The following GALNT14 variants were observed in gnomAD, a reference collection of about 807,000 sequenced individuals.
GALNT14 encodes the protein polypeptide N-acetylgalactosaminyltransferase 14.
GALNT14 carries 60 observed loss-of-function variants against 77.5 expected under a neutral mutation model. That is an observed-to-expected ratio of 0.77 (90% CI 0.63 to 0.96). The LOEUF (loss-of-function observed/expected upper bound fraction) is 0.96. Among genes scored for constraint, GALNT14 ranks in the 40% least tolerant of loss-of-function variants. GALNT14 has a pLI of 0.00. For missense variants in GALNT14, 710 were observed against 731.0 expected (o/e 0.97, Z 0.33); for synonymous variants, 280 against 281.7 (o/e 0.99, Z 0.06).
At chr2:31,074,949 T>C (rs1421625388) in intron 1 of GALNT14, among the ~76,000 whole-genome samples, 2 of 152,110 alleles carry the variant, frequency 1.3e-5, no homozygotes, top group Non-Finnish European at 2.9e-5. Context: ...GATCTTAATA[T>C]GGTTGGGATA....
chr2:30,971,712 C>T (rs1241656945), intron 2 of GALNT14, among the ~76,000 whole-genome samples: 1 of 152,120 alleles, frequency 6.6e-6, no homozygotes, highest in South Asian at 2.1e-4. Context: ...AGTGGCCCCT[C>T]TTTCCTCTGC....
Position 30,913,737 on chromosome 2 carries a change from T to A in GALNT14, c.1381-1395A>T, listed in dbSNP as rs139745682. Among the ~76,000 whole-genome samples the A allele has an allele frequency of 1.7e-3, 254 of 152,238 alleles. 2 individuals carry two copies. The highest frequency in any genetic ancestry group is 5.9e-3 in the African/African-American group (247 of 41,540). ...GATTCTTTTATCCCTTTTCAAACTG[T>A]TGGTGTTGGGAGAAGACCTAGATCA... is the stretch of plus-strand genomic sequence containing the variant. On this transcript the variant is annotated intron_variant, in intron 13 of 14. Coordinates refer to ENST00000349752, the MANE Select transcript of GALNT14 (RefSeq NM_024572.4).
intron 2 of GALNT14, among the ~76,000 whole-genome samples, chr2:30,989,623 T>TAG (rs1263888002): frequency 0.021 from 2,622 of 125,974 alleles, 59 homozygotes; most frequent in South Asian, 0.028. Flanking sequence ...TATATATTAG[T>TAG]ATATATAAAA....
chr2:31,021,518 C>G (rs1671718094), intron 1 of GALNT14, among the ~76,000 whole-genome samples: 1 of 152,000 alleles, frequency 6.6e-6, no homozygotes. Flanking sequence ...GTTGGTCAGG[C>G]TGGTCTTGAA....
intron 1 of GALNT14, among the ~76,000 whole-genome samples, chr2:31,028,784 T>C (rs1672230742): frequency 6.6e-6 from 1 of 151,974 alleles, no homozygotes; most frequent in Non-Finnish European, 1.5e-5. Flanking sequence ...GATGTAAAAA[T>C]GACAAATTCT....
intron 1 of GALNT14, among the ~76,000 whole-genome samples, chr2:31,128,788 A>G (rs1488045732): frequency 3.3e-5 from 5 of 151,556 alleles, no homozygotes; most frequent in Non-Finnish European, 2.9e-5. Context: ...AGCTCTTTCC[A>G]CTCCAGAAAG....
the GALNT14 span, among the ~76,000 whole-genome samples, chr2:30,905,109 GA>G: frequency 1.3e-5 from 2 of 152,224 alleles, no homozygotes; most frequent in African/African-American, 4.8e-5. Flanking sequence ...CAAAGATGGG[GA>G]AAAAACAGAA....
the GALNT14 span, among the ~76,000 whole-genome samples, chr2:30,895,053 T>C: frequency 2.4e-4 from 36 of 152,242 alleles, no homozygotes; most frequent in Non-Finnish European, 1.9e-4. Flanking sequence ...GAATGCACTA[T>C]AGCCTCTTTG....
At chr2:30,970,521 C>A (rs533871040) in intron 2 of GALNT14, among the ~76,000 whole-genome samples, 8 of 152,124 alleles carry the variant, frequency 5.3e-5, no homozygotes, top group African/African-American at 9.7e-5. Context: ...CCGGCCCGCA[C>A]GCCAGGTTCA....
At chr2:31,072,151 T>G (rs1305172409) in intron 1 of GALNT14, among the ~76,000 whole-genome samples, 1 of 152,100 alleles carries the variant, frequency 6.6e-6, no homozygotes, top group East Asian at 1.9e-4. Context: ...CCATCTTCCC[T>G]CTGCTGTGGG....
intron 11 of GALNT14, among the ~76,000 whole-genome samples, chr2:30,929,119 A>AAGC (rs1382413629): frequency 1.3e-5 from 2 of 152,116 alleles, no homozygotes; most frequent in African/African-American, 4.8e-5. Flanking sequence ...TGTCTGCAAA[A>AAGC]AGCAGGAAAT....
At chr2:31,013,288 T>C (rs1433906718) in intron 1 of GALNT14, among the ~76,000 whole-genome samples, 1 of 152,110 alleles carries the variant, frequency 6.6e-6, no homozygotes, top group Non-Finnish European at 1.5e-5. Flanking sequence ...CCTCCTGAGA[T>C]GAATAAAGAT....
At chr2:31,060,321 A>G (rs536587413) in intron 1 of GALNT14, among the ~76,000 whole-genome samples, 1 of 152,258 alleles carries the variant, frequency 6.6e-6, no homozygotes, top group South Asian at 2.1e-4. Flanking sequence ...AAATCCACAT[A>G]AGATCCCTGG....
chr2:31,006,134 G>A (rs1670658142), intron 1 of GALNT14, among the ~76,000 whole-genome samples: 1 of 152,160 alleles, frequency 6.6e-6, no homozygotes, highest in Non-Finnish European at 1.5e-5. Context: ...TCCATGGGCT[G>A]GAATGGCCGG....
chr2:31,117,764 T>C (rs566763281), intron 1 of GALNT14, among the ~76,000 whole-genome samples: 18 of 152,302 alleles, frequency 1.2e-4, no homozygotes, highest in Middle Eastern at 3.4e-3. Flanking sequence ...TAGTGGAAGA[T>C]AGGCTATGCT....
downstream of GALNT14, among the ~76,000 whole-genome samples, chr2:30,907,199 T>C (rs948666731): frequency 4.0e-5 from 6 of 151,778 alleles, no homozygotes; most frequent in Non-Finnish European, 7.4e-5. Flanking sequence ...AGGCAAGAAA[T>C]AACTAAGATC....
At chr2:31,125,327 G>T in intron 1 of GALNT14, 1 of 1,080,366 alleles carries the variant, frequency 9.3e-7, no homozygotes, top group Non-Finnish European at 1.4e-6. Flanking sequence ...ATTTCACAGA[G>T]ATCTTACCCC....
At chr2:31,130,783 T>TGCGCGCGCGC (rs1553382625) in intron 1 of GALNT14, among the ~76,000 whole-genome samples, 14 of 118,680 alleles carry the variant, frequency 1.2e-4, no homozygotes, top group African/African-American at 5.1e-4. Context: ...TGTGTGTGTG[T>TGCGCGCGCGC]GCGCGCGCAC....
At chr2:30,941,634 G>A (rs1194422997) in intron 9 of GALNT14, among the ~76,000 whole-genome samples, 4 of 152,036 alleles carry the variant, frequency 2.6e-5, no homozygotes, top group Middle Eastern at 3.2e-3. Context: ...ACAGTTTTGG[G>A]TCCTATAACC....
Sources: gnomAD v4.1 joint callset for allele counts (sites outside exome capture counted in the v4.1 genomes callset) on GRCh38, gnomAD v4.1.1 for gene constraint, MANE v1.5 for transcripts, NCBI Gene and HGNC (gene_info 2026-07-23, HGNC 2026-07-21) for gene names.